DLK1: variants seen among roughly 807,000 people sequenced by gnomAD.
The protein encoded by DLK1 is protein delta homolog 1.
DLK1 carries 9 observed loss-of-function variants against 35.2 expected under a neutral mutation model. The ratio of observed to expected loss-of-function variants is 0.26; its 90% CI spans 0.15 to 0.45. The LOEUF (loss-of-function observed/expected upper bound fraction) is 0.45. DLK1 is among the 20% of genes least tolerant of loss of function. The probability of loss-of-function intolerance (pLI) is 1.00; values close to 1 mark genes in which losing one functional copy is unlikely to be tolerated. For synonymous variants in DLK1, 231 were observed against 228.4 expected (o/e 1.01, Z -0.10); for missense variants, 522 against 528.5 (o/e 0.99, Z 0.12).
chr14:100,734,551 C>G lies in DLK1; in HGVS notation c.807C>G (p.Thr269=). Residue 269 remains threonine (T), a synonymous_variant, in exon 5 of 5, where the codon ACC becomes ACG. Transcript: ENST00000341267. This position sits in a 1 kb window ranked among gnomAD's most constrained non-coding sequence, Gnocchi z 7.4. ...PSGYGLAYRL[T]PGVHELPVQQ... is the part of the protein sequence containing the mutation. Reference sequence around the variant, plus strand: ...GCTATGGGCTGGCCTACCGCCTGACCCCTGGGGTGCACGAGCTGCCGGTGC... The same window carrying G: ...GCTATGGGCTGGCCTACCGCCTGACGCCTGGGGTGCACGAGCTGCCGGTGC... 6.2e-7 allele frequency: 1 copy of G among 1,613,056 alleles called. No homozygotes were observed. Among genetic ancestry groups the G allele is most frequent in the South Asian group, 1.1e-5 (1 of 91,012 alleles).
intron 1 of DLK1, 62 bp downstream of exon 1, chr14:100,727,197 C>A: frequency 9.5e-6 from 14 of 1,470,670 alleles, no homozygotes; most frequent in African/African-American, 1.4e-5. Flanking sequence ...CCCCGCCGGC[C>A]GCCCGGTGCC....
Position 100,726,953 on chromosome 14 carries a change from C to A in DLK1, c.-116C>A, listed in dbSNP as rs978559619. 54 of 1,043,332 alleles carry A rather than the reference C, an allele frequency of 5.2e-5. No homozygotes were observed. Among genetic ancestry groups the A allele is most frequent in the Non-Finnish European group, 6.7e-5 (53 of 787,152 alleles). The allele number at this position is 1,043,332 out of a possible 1,614,324, so 64.6% of individuals were successfully genotyped here. A position where few individuals can be genotyped will look rare whatever the true frequency, so the allele number is the denominator to read the frequency against. ...CGCAGCCCGGTGCAGCCCTGGCTTT[C>A]CCCTCGCTGCGCGCCCGCGCCCCCT... On this transcript the variant is annotated 5_prime_UTR_variant, in exon 1 of 5. Coordinates refer to ENST00000341267, the MANE Select transcript of DLK1 (RefSeq NM_003836.7). This position sits in a 1 kb window ranked among gnomAD's most constrained non-coding sequence, Gnocchi z 4.2.
chr14:100,728,631 G>A (rs1375304704), intron 2 of DLK1, 172 bp downstream of exon 2: 1 of 259,258 alleles, frequency 3.9e-6, no homozygotes, highest in Non-Finnish European at 7.7e-6. Context: ...GGGCGGGGGG[G>A]GGGCAGCCAC....
rs199689665 is a variant in DLK1, at chr14:100,727,154, C to T, written c.67+19C>T. On this transcript the variant is annotated intron_variant, in intron 1 of 4. Coordinates refer to ENST00000341267, the MANE Select transcript of DLK1 (RefSeq NM_003836.7). ...ACCTATGGTGAGTTCCCCGGCGGCCCGGCTCGCGCCCCCTCTGGGGAAGCC... is the reference window on the plus strand; with the variant it reads ...ACCTATGGTGAGTTCCCCGGCGGCCTGGCTCGCGCCCCCTCTGGGGAAGCC... The T allele has an allele frequency of 1.2e-5, 19 of 1,555,284 alleles. No homozygotes were observed. Among genetic ancestry groups the T allele is most frequent in the East Asian group, 7.2e-5 (3 of 41,530 alleles).
intron 4 of DLK1, among the ~76,000 whole-genome samples, chr14:100,732,622 T>C (rs914929911): frequency 1.3e-5 from 2 of 152,152 alleles, no homozygotes; most frequent in Non-Finnish European, 2.9e-5. Flanking sequence ...TGGAGGGAGT[T>C]GCCAGGCTGA....
chr14:100,738,147 T>C lies in DLK1; in HGVS notation c.*3251T>C, dbSNP rs1478682633. The C allele has an allele frequency of 6.6e-6, 1 of 152,164 alleles. No homozygotes were observed. Among genetic ancestry groups the C allele is most frequent in the Non-Finnish European group, 1.5e-5 (1 of 68,026 alleles). 9.4% of individuals were successfully genotyped at this position (152,164 alleles called of 1,614,324 possible). A position where few individuals can be genotyped will look rare whatever the true frequency, so the allele number is the denominator to read the frequency against. ...TTAAAAAAAATGTCCTTGGCGCTCT[T>C]TTTAGCTTTCCCGTTTACTACCAGT... On this transcript the variant is annotated 3_prime_UTR_variant, in exon 5 of 5. Transcript: ENST00000341267.
intron 2 of DLK1, 127 bp from the exon 3 acceptor site, chr14:100,728,809 C>T (rs1290483622): frequency 1.5e-6 from 2 of 1,300,996 alleles, no homozygotes; most frequent in East Asian, 2.3e-5. Context: ...TGTTTACTTC[C>T]CAGGACCACC....
In DLK1 at chr14:100,728,446, G is replaced by T; in HGVS notation, c.118G>T (p.Asp40Tyr). 6.2e-7 allele frequency: 1 copy of T among 1,614,056 alleles called. No individual in the cohort carries two copies. The highest frequency in any genetic ancestry group is 1.1e-5 in the South Asian group (1 of 91,064). The change falls in exon 2 of 5, where the codon GAC (aspartate) becomes TAC (tyrosine). Residue 40 changes from aspartate (D) to tyrosine (Y), a missense_variant. Transcript: ENST00000341267. ...CCCCCAAAATGGATTCTGCGAGGAT[G>T]ACAATGTTTGCAGGTAATAGAGTGG... ...CNPQNGFCED[D>Y]NVCRCQPGWQ... is the part of the protein sequence containing the mutation.
At chr14:100,728,623 G>C (rs868429675) in intron 2 of DLK1, 164 bp downstream of exon 2, 5 of 172,518 alleles carry the variant, frequency 2.9e-5, no homozygotes, top group East Asian at 1.5e-4. Context: ...GATGGGGGGG[G>C]CGGGGGGGGG....
At position 100,734,829 on chromosome 14, in the gene DLK1, A is replaced by G; in HGVS notation, c.1085A>G (p.Asn362Ser). Residue 362 changes from asparagine to serine, a missense_variant, in exon 5 of 5, where the codon AAC becomes AGC. Coordinates refer to ENST00000341267, the MANE Select transcript of DLK1 (RefSeq NM_003836.7). This position sits in a 1 kb window ranked among gnomAD's most constrained non-coding sequence, Gnocchi z 7.4. ...AACAGCGGGGAGGACCTGGCCGTCAACATCATCTTCCCCGAGAAGATCGAC... is the reference window on the plus strand; with the variant it reads ...AACAGCGGGGAGGACCTGGCCGTCAGCATCATCTTCCCCGAGAAGATCGAC... ...QYNSGEDLAV[N>S]IIFPEKIDMT... 1 of 1,613,420 alleles carries G rather than the reference A, an allele frequency of 6.2e-7. No individual in the cohort carries two copies. Among genetic ancestry groups the G allele is most frequent in the South Asian group, 1.1e-5 (1 of 91,046 alleles).
chr14:100,734,066 C>CGA lies in DLK1; in HGVS notation c.405-83_405-82insGA, dbSNP rs1197336301. 2.0e-6 allele frequency: 3 copies of CGA among 1,489,904 alleles called. No homozygotes were observed. In the African/African-American group the frequency reaches 4.2e-5, roughly 21 times the overall value. The allele number at this position is 1,489,904 out of a possible 1,614,324, so 92.3% of individuals were successfully genotyped here. A position where few individuals can be genotyped will look rare whatever the true frequency, so the allele number is the denominator to read the frequency against. Reference sequence around the variant, plus strand: ...ACCTGCCCCTTAGTCAGGCCAGGGACCTTCTGCCCTGAGCCCCGTGCCCTG... The same window carrying CGA: ...ACCTGCCCCTTAGTCAGGCCAGGGACGACTTCTGCCCTGAGCCCCGTGCCCTG... On this transcript the variant is annotated intron_variant, in intron 4 of 4. Transcript: ENST00000341267. This position sits in a 1 kb window ranked among gnomAD's most constrained non-coding sequence, Gnocchi z 7.4.
At position 100,728,576 on chromosome 14, in the gene DLK1, C is replaced by A. The variant is rs573410025; in HGVS notation, c.131+117C>A. 277 of 901,628 alleles carry A rather than the reference C, an allele frequency of 3.1e-4. 1 individual carries two copies. In the East Asian group the frequency reaches 7.3e-3, roughly 24 times the overall value. The allele number at this position is 901,628 out of a possible 1,614,324, so 55.9% of individuals were successfully genotyped here. ...CCACTACGCTGCAGCAAACAGCTTC[C>A]GGGCCCCTGCAGAAAACTGGTGGGG... On this transcript the variant is annotated intron_variant, in intron 2 of 4. Transcript: ENST00000341267.
At chr14:100,727,479 G>A (rs543199116) in intron 1 of DLK1, among the ~76,000 whole-genome samples, 9 of 152,344 alleles carry the variant, frequency 5.9e-5, no homozygotes, top group African/African-American at 2.2e-4. Context: ...ACTTTGGGGT[G>A]TCCCTGTGTG....
chr14:100,729,147 G>T (rs1203936447), intron 3 of DLK1, 81 bp downstream of exon 3: 1 of 1,597,736 alleles, frequency 6.3e-7, no homozygotes, highest in South Asian at 1.1e-5. Context: ...CCAGTCTCCT[G>T]TTGCTGGTGT....
chr14:100,729,156 G>A (rs1427467330), intron 3 of DLK1, 90 bp downstream of exon 3: 24 of 1,590,294 alleles, frequency 1.5e-5, no homozygotes, highest in Non-Finnish European at 1.9e-5. Flanking sequence ...TGTTGCTGGT[G>A]TTCCTCACTT....
rs1038547996 is a variant in DLK1, at chr14:100,732,296, G to A, written c.404+113G>A. 14 of 1,475,412 alleles carry A rather than the reference G, an allele frequency of 9.5e-6. No individual in the cohort carries two copies. The Admixed American group carries it at 1.4e-4, about 14-fold the overall frequency. 91.4% of individuals were successfully genotyped at this position (1,475,412 alleles called of 1,614,324 possible). A position where few individuals can be genotyped will look rare whatever the true frequency, so the allele number is the denominator to read the frequency against. ...TCGTCTGACAAAAGATGAAGTAAGC[G>A]CTCATCCTGGCAGCCCCGTAGGGGA... On this transcript the variant is annotated intron_variant, in intron 4 of 4. Coordinates refer to ENST00000341267, the MANE Select transcript of DLK1 (RefSeq NM_003836.7).
In DLK1 at chr14:100,734,584, G is replaced by T. The variant is rs35339877; in HGVS notation, c.840G>T (p.Pro280=). The change falls in exon 5 of 5, where the codon CCG becomes CCT. Residue 280 remains proline, a synonymous_variant. Transcript: ENST00000341267. The surrounding 1 kb of genome is among the most constrained non-coding windows in gnomAD (Gnocchi z 7.4). Reference sequence around the variant, plus strand: ...TGCACGAGCTGCCGGTGCAGCAGCCGGAGCACCGCATCCTGAAGGTGTCCA... The same window carrying T: ...TGCACGAGCTGCCGGTGCAGCAGCCTGAGCACCGCATCCTGAAGGTGTCCA... ...PGVHELPVQQ[P]EHRILKVSMK... is the part of the protein sequence containing the mutation. 5.6e-5 allele frequency: 90 copies of T among 1,613,658 alleles called. 1 individual carries two copies. Among genetic ancestry groups the T allele is most frequent in the Admixed American group, 5.3e-4 (32 of 60,014 alleles).
At position 100,728,503 on chromosome 14, in the gene DLK1, GA is replaced by G. The variant is rs746587134; in HGVS notation, c.131+46del. 246 of 1,607,364 alleles carry G rather than the reference GA, an allele frequency of 1.5e-4. No homozygotes were observed. In the African/African-American group the frequency reaches 3.1e-3, roughly 20 times the overall value. ...AGAGGCAGCTTGTAGGGGCCACGCAGAAGCCTGGGGAGTCGTGAAGTCAGGC... is the reference window on the plus strand; with the variant it reads ...AGAGGCAGCTTGTAGGGGCCACGCAGAGCCTGGGGAGTCGTGAAGTCAGGC... On this transcript the variant is annotated intron_variant, in intron 2 of 4. Coordinates refer to ENST00000341267, the MANE Select transcript of DLK1 (RefSeq NM_003836.7).
chr14:100,727,111 C>G lies in DLK1; in HGVS notation c.43C>G (p.Leu15Val). Residue 15 changes from leucine (L) to valine (V), a missense_variant, in exon 1 of 5, where the codon CTG becomes GTG. Coordinates refer to ENST00000341267, the MANE Select transcript of DLK1 (RefSeq NM_003836.7). ...CCTCCTGCGCGTCCTCTTGCTCCTG[C>G]TGGCTTTCGGCCACAGCACCTATGG... ...EALLRVLLLL[L>V]AFGHSTYGAE... 8 of 1,595,078 alleles carry G rather than the reference C, an allele frequency of 5.0e-6. No homozygotes were observed. Among genetic ancestry groups the G allele is most frequent in the Non-Finnish European group, 6.0e-6 (7 of 1,171,998 alleles).
Sources: allele counts gnomAD v4.1 joint callset (sites outside exome capture counted in the v4.1 genomes callset), GRCh38; gene constraint gnomAD v4.1.1; non-coding constraint Gnocchi (gnomAD v3.1); transcripts MANE v1.5; gene names NCBI Gene and HGNC (gene_info 2026-07-23, HGNC 2026-07-21).